Variants in IGF2BP2 observed in about 807,000 individuals in gnomAD.
IGF2BP2 encodes the protein insulin like growth factor 2 mRNA binding protein 2, also known as insulin-like growth factor 2 mRNA-binding protein 2.
Under a neutral mutation model 75.8 loss-of-function variants are expected in IGF2BP2, and 17 were observed. That is an observed-to-expected ratio of 0.22 (90% CI 0.15 to 0.34). The LOEUF is 0.34. IGF2BP2 is among the 10% of genes least tolerant of loss of function. The probability of loss-of-function intolerance (pLI) is 1.00; values close to 1 mark genes in which losing one functional copy is unlikely to be tolerated. For missense variants in IGF2BP2, 516 were observed against 772.4 expected (o/e 0.67, Z 3.93); for synonymous variants, 288 against 295.6 (o/e 0.97, Z 0.26).
At chr3:185,659,582 G>T (rs917760850) in intron 10 of IGF2BP2, among the ~76,000 whole-genome samples, 5 of 151,792 alleles carry the variant, frequency 3.3e-5, no homozygotes, top group African/African-American at 1.2e-4. Context: ...CACCATGTTG[G>T]CCAGGCTGGT....
chr3:185,821,288 G>A (rs1741344448), intron 2 of IGF2BP2, among the ~76,000 whole-genome samples: 1 of 152,154 alleles, frequency 6.6e-6, no homozygotes, highest in Non-Finnish European at 1.5e-5. Flanking sequence ...CATACACAGC[G>A]CATTTTAATC....
chr3:185,673,707 C>CT (rs768782090), intron 9 of IGF2BP2, among the ~76,000 whole-genome samples: 21 of 152,092 alleles, frequency 1.4e-4, no homozygotes, highest in East Asian at 1.2e-3. Context: ...TTGCCTTTTT[C>CT]TTTTTTTTAG....
At chr3:185,824,147 G>A (rs1215108417) in intron 1 of IGF2BP2, among the ~76,000 whole-genome samples, 1 of 151,844 alleles carries the variant, frequency 6.6e-6, no homozygotes, top group Non-Finnish European at 1.5e-5. Flanking sequence ...GGACCGAGGG[G>A]ATGTGCCGTC....
intron 2 of IGF2BP2, among the ~76,000 whole-genome samples, chr3:185,749,524 A>T (rs1182447922): frequency 6.6e-6 from 1 of 152,244 alleles, no homozygotes; most frequent in African/African-American, 2.4e-5. Flanking sequence ...CTGAGTAGGA[A>T]CTGGCCTCTA....
In IGF2BP2 at chr3:185,672,557, G is replaced by C; in HGVS notation, c.1184C>G (p.Pro395Arg). The C allele has an allele frequency of 6.2e-7, 1 of 1,612,880 alleles. No individual in the cohort carries two copies. The highest frequency in any genetic ancestry group is 1.3e-5 in the African/African-American group (1 of 75,028). Residue 395 changes from proline (P) to arginine (R), a missense_variant, in exon 10 of 16, where the codon CCC (proline) becomes CGC (arginine). Pro to Arg is a moderately radical substitution (Grantham distance 103). This residue lies in a region of IGF2BP2 where 75 missense variants were observed against 67.4 expected (regional missense o/e 1.11). Transcript: ENST00000382199. ...GCTACTTACAGTGAAGGGGTGGTAG[G>C]GGGCAGCGGGGGGAGCTCCGCGGGG... ...AGPRGAPPAA[P>R]YHPFTTHSGY...
chr3:185,782,360 T>TCTAC (rs1735321072), intron 2 of IGF2BP2, among the ~76,000 whole-genome samples: 1 of 152,176 alleles, frequency 6.6e-6, no homozygotes, highest in South Asian at 2.1e-4. Context: ...GACTCCAAAA[T>TCTAC]CTACCCCTTT....
intron 2 of IGF2BP2, chr3:185,729,774 C>T (rs1038287431): frequency 1.3e-5 from 2 of 152,180 alleles, no homozygotes; most frequent in Non-Finnish European, 2.9e-5. Flanking sequence ...TATTAAAATA[C>T]TCTTTGCCAA....
At chr3:185,818,867 C>T (rs937199490) in intron 2 of IGF2BP2, among the ~76,000 whole-genome samples, 1 of 151,978 alleles carries the variant, frequency 6.6e-6, no homozygotes, top group African/African-American at 2.4e-5. Flanking sequence ...ATTTCCTCAA[C>T]ACAGTACTTG....
In IGF2BP2 at chr3:185,675,316, T is replaced by G. The variant is rs1719162242; in HGVS notation, c.1051A>C (p.Asn351His). The change falls in exon 9 of 16, where the codon AAT (asparagine) becomes CAT (histidine). Residue 351 changes from asparagine (N) to histidine (H), a missense_variant. Around this residue, in one of 3 missense-constraint regions of IGF2BP2, gnomAD observed 312 missense variants for 474.5 expected, o/e 0.66. Coordinates refer to ENST00000382199, the MANE Select transcript of IGF2BP2 (RefSeq NM_006548.6). ...CTTACGTTAACAGCCAGCATATCAT[T>G]TTCAAAGGCCTCACGCAGCTTCTTC... ...IMKKLREAFE[N>H]DMLAVNQQAN... 6.2e-7 allele frequency: 1 copy of G among 1,609,658 alleles called. No individual in the cohort carries two copies. The highest frequency in any genetic ancestry group is 8.5e-7 in the Non-Finnish European group (1 of 1,179,276).
intron 2 of IGF2BP2, among the ~76,000 whole-genome samples, chr3:185,709,062 G>A (rs554800169): frequency 7.6e-4 from 115 of 152,254 alleles, no homozygotes; most frequent in African/African-American, 2.6e-3. Flanking sequence ...TAAGACTAAC[G>A]AGGGTAAAAA....
chr3:185,656,093 C>G (rs187564506), intron 12 of IGF2BP2, among the ~76,000 whole-genome samples: 1 of 152,252 alleles, frequency 6.6e-6, no homozygotes, highest in Admixed American at 6.5e-5. Context: ...TTAGTTGAAA[C>G]GGTCCTTTCT....
At chr3:185,734,235 T>C (rs749285604) in intron 2 of IGF2BP2, among the ~76,000 whole-genome samples, 1 of 152,218 alleles carries the variant, frequency 6.6e-6, no homozygotes, top group East Asian at 1.9e-4. Context: ...TCACATACTT[T>C]ATCTCATTCA....
intron 1 of IGF2BP2, 151 bp from the exon 2 acceptor site, chr3:185,823,364 C>T: frequency 2.0e-6 from 1 of 508,028 alleles, no homozygotes; most frequent in Non-Finnish European, 3.5e-6. Flanking sequence ...GAACTTGGTT[C>T]CCAGTAGAAA....
intron 2 of IGF2BP2, among the ~76,000 whole-genome samples, chr3:185,748,948 G>C (rs1730613512): frequency 6.6e-6 from 1 of 152,180 alleles, no homozygotes; most frequent in Non-Finnish European, 1.5e-5. Flanking sequence ...CTGATCACTT[G>C]AGGTCAGGAG....
chr3:185,679,693 T>G (rs1354254952), intron 7 of IGF2BP2, among the ~76,000 whole-genome samples: 1 of 152,222 alleles, frequency 6.6e-6, no homozygotes, highest in Non-Finnish European at 1.5e-5. Flanking sequence ...CTCAGCTCAC[T>G]GTAACCTCCA....
At chr3:185,793,321 T>C (rs2149876666) in intron 2 of IGF2BP2, among the ~76,000 whole-genome samples, 1 of 152,270 alleles carries the variant, frequency 6.6e-6, no homozygotes, top group South Asian at 2.1e-4. Context: ...TCTCCTCTTC[T>C]GAGGAATAAG....
intron 2 of IGF2BP2, chr3:185,712,437 C>T (rs975854608): frequency 1.3e-5 from 2 of 152,116 alleles, no homozygotes; most frequent in African/African-American, 4.8e-5. Context: ...CCTAATAAAA[C>T]ATTTTATTGT....
rs1006870801 is a variant in IGF2BP2, at chr3:185,645,955, G to A, written c.1708-332C>T. 4.6e-5 allele frequency among the ~76,000 whole-genome samples: 7 copies of A among 152,064 alleles called. No individual in the cohort carries two copies. The highest frequency in any genetic ancestry group is 3.9e-4 in the Admixed American group (6 of 15,268). ...AGTCAGATGCTACACTTGGGCTCCC[G>A]TGCTGCTCCCGCCCCCGTTCTACAG... On this transcript the variant is annotated intron_variant, in intron 15 of 15. Coordinates refer to ENST00000382199, the MANE Select transcript of IGF2BP2 (RefSeq NM_006548.6). This position sits in a 1 kb window ranked among gnomAD's most constrained non-coding sequence, Gnocchi z 4.9.
intron 2 of IGF2BP2, chr3:185,716,894 C>A: frequency 2.1e-6 from 1 of 470,688 alleles, no homozygotes; most frequent in Non-Finnish European, 4.2e-6. Context: ...TTATCACATC[C>A]TGTTGTAACG....
Sources: gnomAD v4.1 joint callset for allele counts (sites outside exome capture counted in the v4.1 genomes callset) on GRCh38, gnomAD v4.1.1 for gene constraint, gnomAD v4.1.1 regional missense constraint, Gnocchi (gnomAD v3.1) non-coding constraint, MANE v1.5 for transcripts, NCBI Gene and HGNC (gene_info 2026-07-23, HGNC 2026-07-21) for gene names.